MX1: variants seen among roughly 807,000 people sequenced by gnomAD.
MX1 encodes MX dynamin like GTPase 1.
A neutral mutation model predicts 66.4 loss-of-function variants in MX1; 66 were observed. The ratio of observed to expected loss-of-function variants is 0.99; its 90% confidence interval spans 0.82 to 1.22. The LOEUF (loss-of-function observed/expected upper bound fraction) is 1.22. MX1 is among the 50% of genes most tolerant of loss of function. The pLI is 0.00. For missense variants in MX1, 787 were observed against 834.3 expected (o/e 0.94, Z 0.70); for synonymous variants, 311 against 318.1 (o/e 0.98, Z 0.24).
intron 7 of MX1, among the ~76,000 whole-genome samples, chr21:41,438,670 C>T (rs540516204): frequency 3.3e-5 from 5 of 152,272 alleles, no homozygotes; most frequent in South Asian, 2.1e-4. Flanking sequence ...ATGGAAGTGA[C>T]GAAGGCACCC....
At chr21:41,449,747 C>G (rs1449375979) in intron 14 of MX1, 1 of 152,816 alleles carries the variant, frequency 6.5e-6, no homozygotes, top group Admixed American at 6.5e-5. Flanking sequence ...GCTTCTGTCC[C>G]CACGGGGTTG....
chr21:41,434,782 T>C (rs530812331), intron 5 of MX1, among the ~76,000 whole-genome samples: 1 of 152,354 alleles, frequency 6.6e-6, no homozygotes, highest in Non-Finnish European at 1.5e-5. Flanking sequence ...TACATTGTTA[T>C]TATTGATGTT....
chr21:41,451,380 T>G (rs978143831), intron 15 of MX1, 137 bp downstream of exon 15: 1 of 684,512 alleles, frequency 1.5e-6, no homozygotes, highest in African/African-American at 1.8e-5. Context: ...CACTCACTAG[T>G]GCTTCTTCTG....
Position 41,441,032 on chromosome 21 carries a change from G to C in MX1, c.730+7G>C, listed in dbSNP as rs8134150. ...GAGGGAGACAGGACCATCGGTGAGA[G>C]TGGGGGAGCCCCACTGTGCTCAGTG... On this transcript the variant is annotated splice_region_variant and intron_variant, in intron 9 of 16. Transcript: ENST00000398598. The surrounding 1 kb of genome is among the most constrained non-coding windows in gnomAD (Gnocchi z 4.0). The C allele has an allele frequency of 6.2e-7, 1 of 1,604,700 alleles. No homozygotes were observed. The highest frequency in any genetic ancestry group is 8.5e-7 in the Non-Finnish European group (1 of 1,175,358).
chr21:41,457,289 C>T (rs909474027), intron 16 of MX1, among the ~76,000 whole-genome samples: 2 of 152,116 alleles, frequency 1.3e-5, no homozygotes, highest in Non-Finnish European at 2.9e-5. Flanking sequence ...TCATTTTTGT[C>T]TATGGTGGTT....
upstream of MX1, among the ~76,000 whole-genome samples, chr21:41,425,770 G>A (rs2090046301): frequency 2.0e-5 from 3 of 152,178 alleles, no homozygotes. Context: ...GTTAGGGGTG[G>A]GAGTGCTGGA....
At chr21:41,432,449 G>A (rs1238231694) in intron 5 of MX1, among the ~76,000 whole-genome samples, 3 of 152,224 alleles carry the variant, frequency 2.0e-5, no homozygotes, top group Non-Finnish European at 4.4e-5. Flanking sequence ...AACTGGCCCA[G>A]GCCCTGGGTT....
upstream of MX1, among the ~76,000 whole-genome samples, chr21:41,423,896 CTG>C (rs1262198340): frequency 2.6e-5 from 4 of 152,210 alleles, no homozygotes; most frequent in Non-Finnish European, 4.4e-5. Context: ...GCTGTGTGTG[CTG>C]TGTTTCCTGG....
At chr21:41,437,414 G>T (rs139676887) in intron 7 of MX1, among the ~76,000 whole-genome samples, 2 of 152,200 alleles carry the variant, frequency 1.3e-5, no homozygotes, top group East Asian at 3.9e-4. Context: ...TGACACGGGG[G>T]GATTGCTTGA....
chr21:41,445,521 G>A lies in MX1; in HGVS notation c.1082G>A (p.Gly361Asp), dbSNP rs781104157. 2.7e-5 allele frequency: 43 copies of A among 1,614,074 alleles called. No individual in the cohort carries two copies. The highest frequency in any genetic ancestry group is 2.9e-5 in the Non-Finnish European group (34 of 1,180,052). ...QRITEELQKY[G>D]VDIPEDENEK... ...ATAACAGAGGAGCTACAAAAGTATG[G>A]TGTCGACATACCGGAAGACGAAAAT... The change falls in exon 12 of 17, where the codon GGT becomes GAT. Residue 361 changes from glycine (G) to aspartate (D), a missense_variant. Transcript: ENST00000398598.
Position 41,432,175 on chromosome 21 carries a change from G to A in MX1, c.105G>A (p.Ser35=), listed in dbSNP as rs773785256. ...CTGTGGCCCAGAAAAATCCAGGCTC[G>A]GTAAGTTGCTCTCTGAAAGTCGCTA... is the stretch of plus-strand genomic sequence containing the variant. ...DATVAQKNPG[S]VAENNLCSQY... The change falls in exon 5 of 17, where the codon TCG becomes TCA. Residue 35 remains serine (S), a splice_region_variant and synonymous_variant. Coordinates refer to ENST00000398598, the MANE Select transcript of MX1 (RefSeq NM_002462.5). 24 of 1,613,616 alleles carry A rather than the reference G, an allele frequency of 1.5e-5. No individual in the cohort carries two copies. Among genetic ancestry groups the A allele is most frequent in the Admixed American group, 1.0e-4 (6 of 60,006 alleles).
At position 41,451,175 on chromosome 21, in the gene MX1, C is replaced by G. The variant is rs149908360; in HGVS notation, c.1441C>G (p.Arg481Gly). ...TTTCTCTCTTTGATTAGATATGGTC[C>G]GGCTTGCTTTCACAGATGTTTCGAT... is the stretch of plus-strand genomic sequence containing the variant. ...DMLHTVTDMV[R>G]LAFTDVSIKN... The change falls in exon 15 of 17, where the codon CGG (arginine) becomes GGG (glycine). Residue 481 changes from arginine to glycine, a missense_variant. Coordinates refer to ENST00000398598, the MANE Select transcript of MX1 (RefSeq NM_002462.5). 6.2e-7 allele frequency: 1 copy of G among 1,609,508 alleles called. No homozygotes were observed. Among genetic ancestry groups the G allele is most frequent in the Non-Finnish European group, 8.5e-7 (1 of 1,176,654 alleles).
chr21:41,424,610 C>T (rs554942181), upstream of MX1, among the ~76,000 whole-genome samples: 12 of 152,218 alleles, frequency 7.9e-5, no homozygotes, highest in South Asian at 2.5e-3. Flanking sequence ...GGGTGCCAAC[C>T]GCTCCCAAAG....
Position 41,435,871 on chromosome 21 carries a change from A to C in MX1, c.140A>C (p.Glu47Ala). 6.2e-7 allele frequency: 1 copy of C among 1,613,144 alleles called. No individual in the cohort carries two copies. The highest frequency in any genetic ancestry group is 8.5e-7 in the Non-Finnish European group (1 of 1,179,180). The change falls in exon 6 of 17, where the codon GAG becomes GCG. Residue 47 changes from glutamate to alanine, a missense_variant. Coordinates refer to ENST00000398598, the MANE Select transcript of MX1 (RefSeq NM_002462.5). ...AACAACCTGTGCAGCCAGTATGAGG[A>C]GAAGGTGCGCCCCTGCATCGACCTC... The part of the protein sequence containing the change: ...AENNLCSQYE[E>A]KVRPCIDLID...
At chr21:41,443,293 A>G (rs468786) in intron 10 of MX1, among the ~76,000 whole-genome samples, 75,093 of 151,968 alleles carry the variant, frequency 0.49, 19,589 homozygotes, top group Non-Finnish European at 0.59. Context: ...GTGAGAAGAT[A>G]CTTGACTTCC....
At chr21:41,442,791 A>C (rs2090555969) in intron 10 of MX1, 1 of 152,282 alleles carries the variant, frequency 6.6e-6, no homozygotes, top group Non-Finnish European at 1.5e-5. Context: ...AAGGAAAGAC[A>C]TTCTGACACA....
chr21:41,451,274 AAAAAG>A (rs1213495059), intron 15 of MX1, 31 bp downstream of exon 15: 2 of 1,408,852 alleles, frequency 1.4e-6, no homozygotes, highest in East Asian at 2.3e-5. Flanking sequence ...TTTAAAAAAA[AAAAAG>A]AAAAGAAATT....
chr21:41,432,120 C>T lies in MX1; in HGVS notation c.50C>T (p.Ser17Phe). 6.2e-7 allele frequency: 1 copy of T among 1,614,154 alleles called. No homozygotes were observed. The highest frequency in any genetic ancestry group is 2.2e-5 in the East Asian group (1 of 44,886). ...GCAAAAGCTGATCCAGCTGCTGCATCCCACCCTCTATTACTGAATGGAGAT... is the reference window on the plus strand; with the variant it reads ...GCAAAAGCTGATCCAGCTGCTGCATTCCACCCTCTATTACTGAATGGAGAT... The part of the protein sequence containing the change: ...DIAKADPAAA[S>F]HPLLLNGDAT... The change falls in exon 5 of 17, where the codon TCC becomes TTC. Residue 17 changes from serine to phenylalanine, a missense_variant. By Grantham distance (155) the Ser-to-Phe change is radical. Coordinates refer to ENST00000398598, the MANE Select transcript of MX1 (RefSeq NM_002462.5).
intron 10 of MX1, 112 bp downstream of exon 10, chr21:41,442,026 C>CGTGT (rs1219885536): frequency 2.7e-5 from 9 of 339,098 alleles, no homozygotes; most frequent in Admixed American, 4.2e-5. Context: ...TGTGTGTGTG[C>CGTGT]GTGTGTGTGT....
Sources: allele counts gnomAD v4.1 joint callset (sites outside exome capture counted in the v4.1 genomes callset), GRCh38; gene constraint gnomAD v4.1.1; non-coding constraint Gnocchi (gnomAD v3.1); transcripts MANE v1.5; gene names NCBI Gene and HGNC (gene_info 2026-07-23, HGNC 2026-07-21).